The following PHACTR2 variants were observed in gnomAD, a reference collection of about 807,000 sequenced individuals.
The protein encoded by PHACTR2 is phosphatase and actin regulator 2.
In PHACTR2, 30 loss-of-function variants were observed where a neutral mutation model predicts 76.0. The ratio of observed to expected loss-of-function variants is 0.39; its 90% CI spans 0.30 to 0.54. The LOEUF is 0.54. Ranked by LOEUF, PHACTR2 falls within the 20% of genes least tolerant of loss-of-function variation. The probability of loss-of-function intolerance (pLI) is 0.61; values close to 1 mark genes in which losing one functional copy is unlikely to be tolerated. For missense variants in PHACTR2, 696 were observed against 781.1 expected (o/e 0.89, Z 1.30); for synonymous variants, 292 against 292.5 (o/e 1.00, Z 0.02).
chr6:143,574,391 G>T (rs1247476362), intron 1 of PHACTR2, among the ~76,000 whole-genome samples: 1 of 152,146 alleles, frequency 6.6e-6, no homozygotes, highest in Non-Finnish European at 1.5e-5. Flanking sequence ...TTGTACAAAG[G>T]CATGGCCATT....
intron 1 of PHACTR2, among the ~76,000 whole-genome samples, chr6:143,612,882 T>G (rs1776000824): frequency 6.6e-6 from 1 of 152,280 alleles, no homozygotes; most frequent in African/African-American, 2.4e-5. Flanking sequence ...GACAGTATTT[T>G]CCTTTGAATT....
chr6:143,573,394 A>G (rs563124005), intron 1 of PHACTR2, among the ~76,000 whole-genome samples: 1 of 152,240 alleles, frequency 6.6e-6, no homozygotes, highest in Non-Finnish European at 1.5e-5. Context: ...TTTCTTCTCT[A>G]TTCCATGGAG....
intron 1 of PHACTR2, among the ~76,000 whole-genome samples, chr6:143,645,278 A>G (rs1401991769): frequency 6.8e-6 from 1 of 146,482 alleles, no homozygotes; most frequent in Non-Finnish European, 1.5e-5. Context: ...TGGAAAAGAA[A>G]CTGTAATATA....
At position 143,765,805 on chromosome 6, in the gene PHACTR2, T is replaced by C; in HGVS notation, c.1232+7T>C. ...ACAGAGAAAATGCAAAATGGTGAGT[T>C]GGGGAACAAACCCCCTATTTTATCT... On this transcript the variant is annotated splice_region_variant and intron_variant, in intron 6 of 12. Transcript: ENST00000440869. This position sits in a 1 kb window ranked among gnomAD's most constrained non-coding sequence, Gnocchi z 4.1. The C allele has an allele frequency of 6.3e-7, 1 of 1,599,744 alleles. No individual in the cohort carries two copies. The highest frequency in any genetic ancestry group is 2.2e-5 in the East Asian group (1 of 44,564).
At chr6:143,756,647 C>T (rs1268576103) in intron 4 of PHACTR2, among the ~76,000 whole-genome samples, 2 of 149,540 alleles carry the variant, frequency 1.3e-5, no homozygotes, top group African/African-American at 2.5e-5. Flanking sequence ...TGCAGTGAGC[C>T]GAGATCGCAC....
intron 4 of PHACTR2, among the ~76,000 whole-genome samples, chr6:143,756,496 C>A (rs936463144): frequency 1.3e-5 from 2 of 150,644 alleles, no homozygotes; most frequent in Admixed American, 1.3e-4. Flanking sequence ...GAGATCGAGA[C>A]CATCCTGGCT....
rs942066790 is a variant in PHACTR2 at position 143,816,957 on chromosome 6, T to C, written c.1923-6717T>C. Among the ~76,000 whole-genome samples, 3 of 152,108 alleles carry C rather than the reference T, an allele frequency of 2.0e-5. No homozygotes were observed. Among genetic ancestry groups the C allele is most frequent in the Non-Finnish European group, 4.4e-5 (3 of 68,008 alleles). On this transcript the variant is annotated intron_variant, in intron 12 of 12. Coordinates refer to ENST00000440869, the MANE Select transcript of PHACTR2 (RefSeq NM_001100164.2). The surrounding 1 kb of genome is among the most constrained non-coding windows in gnomAD (Gnocchi z 4.5). The stretch of plus-strand genomic sequence containing the variant: ...GGCGAGTGCCTGTATTCCCAGCTAC[T>C]TGGGAGGCTGAGGCAGGAGAATCTC...
chr6:143,774,007 C>T lies in PHACTR2; in HGVS notation c.1433-52C>T, dbSNP rs1775214699. The T allele has an allele frequency of 1.3e-6, 2 of 1,546,562 alleles. No individual in the cohort carries two copies. The highest frequency in any genetic ancestry group is 1.8e-6 in the Non-Finnish European group (2 of 1,129,158). On this transcript the variant is annotated intron_variant, in intron 7 of 12. Transcript: ENST00000440869. This position sits in a 1 kb window ranked among gnomAD's most constrained non-coding sequence, Gnocchi z 5.4. ...GTCCATGCCATGTGTAACCTGAGTG[C>T]CACTGGCTAAAAGCCTCTCTCTCTG... is the stretch of plus-strand genomic sequence containing the variant.
chr6:143,588,684 G>C (rs1448324116), intron 1 of PHACTR2, among the ~76,000 whole-genome samples: 1 of 152,182 alleles, frequency 6.6e-6, no homozygotes, highest in Non-Finnish European at 1.5e-5. Flanking sequence ...TCTATGAAAA[G>C]ACTGATGAAA....
chr6:143,537,807 T>C lies in PHACTR2; in HGVS notation c.217+600T>C, dbSNP rs1037438336. 6.6e-6 allele frequency among the ~76,000 whole-genome samples: 1 copy of C among 152,134 alleles called. No homozygotes were observed. Among genetic ancestry groups the C allele is most frequent in the East Asian group, 1.9e-4 (1 of 5,188 alleles). Reference sequence around the variant, plus strand: ...TGTTTGTGCCTCTCATCCTTTAACATGTTTTGAAAAAGCCTCGGCCAGGAG... The same window carrying C: ...TGTTTGTGCCTCTCATCCTTTAACACGTTTTGAAAAAGCCTCGGCCAGGAG... On this transcript the variant is annotated intron_variant, in intron 1 of 11. Coordinates refer to the PHACTR2 transcript ENST00000367584. The surrounding 1 kb of genome is among the most constrained non-coding windows in gnomAD (Gnocchi z 4.4).
intron 2 of PHACTR2, 74 bp downstream of exon 2, chr6:143,712,257 C>A: frequency 9.6e-7 from 1 of 1,036,306 alleles, no homozygotes; most frequent in Non-Finnish European, 1.3e-6. Flanking sequence ...TTATGTTTTA[C>A]AGTGTGTTTT....
chr6:143,784,136 A>G lies in PHACTR2; in HGVS notation c.1707+856A>G, dbSNP rs2128478272. 6.6e-6 allele frequency among the ~76,000 whole-genome samples: 1 copy of G among 152,366 alleles called. No homozygotes were observed. Among genetic ancestry groups the G allele is most frequent in the Non-Finnish European group, 1.5e-5 (1 of 68,034 alleles). On this transcript the variant is annotated intron_variant, in intron 10 of 12. Transcript: ENST00000440869. This position sits in a 1 kb window ranked among gnomAD's most constrained non-coding sequence, Gnocchi z 4.5. ...TTCCATTTAGTGTTGGAAATATTAAACAAGTAAGTAATTTGTTACTCCTGA... is the reference window on the plus strand; with the variant it reads ...TTCCATTTAGTGTTGGAAATATTAAGCAAGTAAGTAATTTGTTACTCCTGA...
At chr6:143,555,881 TCAC>T (rs1775166155) in intron 1 of PHACTR2, among the ~76,000 whole-genome samples, 1 of 150,706 alleles carries the variant, frequency 6.6e-6, no homozygotes, top group Admixed American at 6.6e-5. Flanking sequence ...TACAATATAA[TCAC>T]CACCGACACA....
Position 143,537,021 on chromosome 6 carries a change from T to C in PHACTR2, c.31T>C (p.Ser11Pro). Residue 11 changes from serine (S) to proline (P), a missense_variant, in exon 1 of 12, where the codon TCC becomes CCC. Coordinates refer to the PHACTR2 transcript ENST00000367584. The surrounding 1 kb of genome is among the most constrained non-coding windows in gnomAD (Gnocchi z 4.4). ...CGAGGCGGGCTGGCGCCCCGCGGCG[T>C]CCCCGGTCGATCCGGCCGGGCAGGC... 1 of 169,212 alleles carries C rather than the reference T, an allele frequency of 5.9e-6. No homozygotes were observed. The highest frequency in any genetic ancestry group is 1.2e-5 in the Non-Finnish European group (1 of 81,024). The allele number at this position is 169,212 out of a possible 1,614,324, so 10.5% of individuals were successfully genotyped here.
chr6:143,737,235 T>C (rs760574759), intron 2 of PHACTR2, among the ~76,000 whole-genome samples: 56 of 151,458 alleles, frequency 3.7e-4, no homozygotes, highest in Admixed American at 5.9e-4. Context: ...TTAAGAATTA[T>C]ATATATTATA....
At position 143,765,735 on chromosome 6, in the gene PHACTR2, C is replaced by G; in HGVS notation, c.1169C>G (p.Pro390Arg). ...DPSQLLWAEE[P>R]TNRTTLYSGT... is the part of the protein sequence containing the mutation. ...AGTCAGCTTCTTTGGGCTGAAGAGCCGACGAACAGAACCACTCTCTACTCA... is the reference window on the plus strand; with the variant it reads ...AGTCAGCTTCTTTGGGCTGAAGAGCGGACGAACAGAACCACTCTCTACTCA... The change falls in exon 6 of 13, where the codon CCG becomes CGG. Residue 390 changes from proline to arginine, a missense_variant. Coordinates refer to ENST00000440869, the MANE Select transcript of PHACTR2 (RefSeq NM_001100164.2). This position sits in a 1 kb window ranked among gnomAD's most constrained non-coding sequence, Gnocchi z 4.1. The G allele has an allele frequency of 1.2e-6, 2 of 1,614,126 alleles. No homozygotes were observed. The highest frequency in any genetic ancestry group is 4.5e-5 in the East Asian group (2 of 44,882).
At chr6:143,673,554 C>T (rs774605020), upstream of PHACTR2, among the ~76,000 whole-genome samples, 2 of 152,034 alleles carry the variant, frequency 1.3e-5, no homozygotes, top group Admixed American at 6.6e-5. Flanking sequence ...GGACTGTTCT[C>T]TTTAGATTTT....
At position 143,593,346 on chromosome 6, in the gene PHACTR2, C is replaced by A. The variant is rs554312929; in HGVS notation, c.217+56139C>A. ...AGGAGGAAACACAGGGGGTGTCTAACTGGTCTCGGTAGGCCAGAGAATACT... is the reference window on the plus strand; with the variant it reads ...AGGAGGAAACACAGGGGGTGTCTAAATGGTCTCGGTAGGCCAGAGAATACT... On this transcript the variant is annotated intron_variant, in intron 1 of 11. Coordinates refer to the PHACTR2 transcript ENST00000367584. Among the ~76,000 whole-genome samples, 41 of 152,074 alleles carry A rather than the reference C, an allele frequency of 2.7e-4. No individual in the cohort carries two copies. The South Asian group carries it at 3.9e-3, about 15-fold the overall frequency.
Position 143,819,366 on chromosome 6 carries a change from G to A in PHACTR2, c.1923-4308G>A, listed in dbSNP as rs7741563. Among the ~76,000 whole-genome samples the A allele has an allele frequency of 0.012, 1,827 of 152,304 alleles. 25 individuals are homozygous for A. Among genetic ancestry groups the A allele is most frequent in the African/African-American group, 0.032 (1,318 of 41,562 alleles). ...ATAGGACAGGGGTGGGTATAGATCC[G>A]ATGGCCAAGAAAGGGGTCTGTATCT... On this transcript the variant is annotated intron_variant, in intron 12 of 12. Transcript: ENST00000440869. This position sits in a 1 kb window ranked among gnomAD's most constrained non-coding sequence, Gnocchi z 5.0.
Sources: gnomAD v4.1 joint callset for allele counts (sites outside exome capture counted in the v4.1 genomes callset) on GRCh38, gnomAD v4.1.1 for gene constraint, Gnocchi (gnomAD v3.1) non-coding constraint, MANE v1.5 for transcripts, NCBI Gene and HGNC (gene_info 2026-07-23, HGNC 2026-07-21) for gene names.